The following MYO7A variants were observed in gnomAD, a reference collection of about 807,000 sequenced individuals.
MYO7A encodes unconventional myosin-VIIa.
A neutral mutation model predicts 263.8 loss-of-function variants in MYO7A; 210 were observed. That is an observed-to-expected ratio of 0.80 (90% CI 0.71 to 0.89). The LOEUF is 0.89. Ranked by LOEUF, MYO7A falls within the 40% of genes least tolerant of loss-of-function variation. The pLI is 0.00. For synonymous variants in MYO7A, 1,239 were observed against 1,197.3 expected (o/e 1.03, Z -0.72); for missense variants, 2,820 against 2,968.3 (o/e 0.95, Z 1.16).
chr11:77,133,405 T>C (rs59180506), intron 2 of MYO7A, among the ~76,000 whole-genome samples: 9,512 of 152,124 alleles, frequency 0.063, 457 homozygotes, highest in East Asian at 0.24. Flanking sequence ...CAGAGGGAGG[T>C]TTGAAGATAA....
intron 44 of MYO7A, among the ~76,000 whole-genome samples, chr11:77,210,593 A>G (rs1313210140): frequency 1.3e-5 from 2 of 152,178 alleles, no homozygotes; most frequent in Non-Finnish European, 2.9e-5. Flanking sequence ...GATGACCATA[A>G]GGCTCTAGGA....
intron 22 of MYO7A, among the ~76,000 whole-genome samples, chr11:77,181,057 G>A (rs4945155): frequency 0.6 from 90,575 of 152,136 alleles, 27,549 homozygotes; most frequent in African/African-American, 0.71. Flanking sequence ...GGCTCACATT[G>A]TATTCCTATT....
rs776208148 is a variant in MYO7A at position 77,197,465 on chromosome 11, C to T, written c.4324-16C>T. The T allele has an allele frequency of 6.5e-7, 1 of 1,548,222 alleles. No homozygotes were observed. On this transcript the variant is annotated splice_polypyrimidine_tract_variant and intron_variant, in intron 32 of 48. Coordinates refer to ENST00000409709, the MANE Select transcript of MYO7A (RefSeq NM_000260.4). Reference sequence around the variant, plus strand: ...CGTATGTTGTCTTCTGTCCCTCTGTCCCTCTCTCCTTCCAGGGGATTTATG... The same window carrying T: ...CGTATGTTGTCTTCTGTCCCTCTGTTCCTCTCTCCTTCCAGGGGATTTATG...
intron 46 of MYO7A, 174 bp from the exon 47 acceptor site, chr11:77,212,778 C>T: frequency 1.6e-6 from 1 of 636,458 alleles, no homozygotes; most frequent in Non-Finnish European, 2.8e-6. Context: ...GGATGTGGGG[C>T]AGCACTGAGG....
At chr11:77,182,810 C>T (rs1955362456) in intron 25 of MYO7A, among the ~76,000 whole-genome samples, 2 of 152,246 alleles carry the variant, frequency 1.3e-5, no homozygotes, top group African/African-American at 4.8e-5. Context: ...AACTGAGGGG[C>T]CTCATGGCAG....
chr11:77,171,375 T>C lies in MYO7A; in HGVS notation c.1798-1373T>C, dbSNP rs887141110. Among the ~76,000 whole-genome samples, 11 of 152,264 alleles carry C rather than the reference T, an allele frequency of 7.2e-5. 1 individual carries two copies. Among genetic ancestry groups the C allele is most frequent in the Admixed American group, 6.5e-4 (10 of 15,306 alleles). On this transcript the variant is annotated intron_variant, in intron 15 of 48. Transcript: ENST00000409709. ...CACCCGGTGCTGCTGCTGGATCAAA[T>C]TGAGGACAACGCCAGGGGCCACAGA...
chr11:77,159,588 T>C lies in MYO7A; in HGVS notation c.1080+65T>C, dbSNP rs4944145. 0.44 allele frequency: 658,343 copies of C among 1,509,400 alleles called. 145,690 individuals carry two copies. Among genetic ancestry groups the C allele is most frequent in the Admixed American group, 0.55 (32,440 of 59,078 alleles). 93.5% of individuals were successfully genotyped at this position (1,509,400 alleles called of 1,614,324 possible). ...CTCTGAAGGGTTGAGTTTAAGCTCA[T>C]TGGGGGCTGGGATGTAGGAACCACA... On this transcript the variant is annotated intron_variant, in intron 10 of 48. Coordinates refer to ENST00000409709, the MANE Select transcript of MYO7A (RefSeq NM_000260.4).
At position 77,160,183 on chromosome 11, in the gene MYO7A, G is replaced by C. The variant is rs1436844898; in HGVS notation, c.1101G>C (p.Met367Ile). 1 of 1,566,768 alleles carries C rather than the reference G, an allele frequency of 6.4e-7. No homozygotes were observed. The highest frequency in any genetic ancestry group is 8.6e-7 in the Non-Finnish European group (1 of 1,156,736). ...ACCAGGTGAACCCCCCAGACCTGAT[G>C]AGCTGCCTGACTAGCCGCACCCTCA... ...SLLEVNPPDL[M>I]SCLTSRTLIT... Residue 367 changes from methionine (M) to isoleucine (I), a missense_variant, in exon 11 of 49, where the codon ATG becomes ATC. Physicochemically the swap from Met to Ile is conservative, Grantham distance 10. Transcript: ENST00000409709.
rs1555051493 is a variant in MYO7A at position 77,142,755 on chromosome 11, T to G, written c.65T>G (p.Val22Gly). 6.2e-7 allele frequency: 1 copy of G among 1,612,196 alleles called. No individual in the cohort carries two copies. Among genetic ancestry groups the G allele is most frequent in the Non-Finnish European group, 8.5e-7 (1 of 1,179,386 alleles). ...MDLRLGQEFD[V>G]PIGAVVKLCD... ...CTGAGATTGGGGCAGGAGTTCGACG[T>G]GCCCATCGGGGCGGTGGTGAAGCTC... The change falls in exon 3 of 49, where the codon GTG becomes GGG. Residue 22 changes from valine to glycine, a missense_variant. Transcript: ENST00000409709.
chr11:77,184,276 T>C (rs1955495408), intron 26 of MYO7A, among the ~76,000 whole-genome samples: 1 of 152,084 alleles, frequency 6.6e-6, no homozygotes, highest in Admixed American at 6.5e-5. Context: ...CAGAGGATCA[T>C]GTCCCTGTCC....
At chr11:77,195,266 C>T (rs1956556434) in intron 32 of MYO7A, among the ~76,000 whole-genome samples, 1 of 152,146 alleles carries the variant, frequency 6.6e-6, no homozygotes, top group South Asian at 2.1e-4. Flanking sequence ...TCCCTGAGTC[C>T]TGAGTGCTCC....
At chr11:77,152,534 C>G (rs1017982665) in intron 4 of MYO7A, among the ~76,000 whole-genome samples, 2 of 152,178 alleles carry the variant, frequency 1.3e-5, no homozygotes, top group Non-Finnish European at 2.9e-5. Context: ...TCAGGCAGGC[C>G]TAGACCATAA....
At chr11:77,207,209 G>A (rs1565479591) in intron 41 of MYO7A, 80 bp from the exon 42 acceptor site, 2 of 954,680 alleles carry the variant, frequency 2.1e-6, no homozygotes, top group Non-Finnish European at 3.2e-6. Context: ...CTCAGTATAG[G>A]AGGCATAGCC....
intron 2 of MYO7A, among the ~76,000 whole-genome samples, chr11:77,140,509 G>T (rs1217239000): frequency 6.6e-6 from 1 of 152,224 alleles, no homozygotes; most frequent in African/African-American, 2.4e-5. Context: ...ACATGCTGTT[G>T]CCCACAAGCG....
chr11:77,178,152 C>T (rs1050672784), intron 19 of MYO7A, among the ~76,000 whole-genome samples: 20 of 22,626 alleles, frequency 8.8e-4, no homozygotes, highest in Non-Finnish European at 1.8e-3. Flanking sequence ...CACTCGTCCA[C>T]CCACCTACCT....
At chr11:77,176,014 G>A (rs1555079893) in intron 18 of MYO7A, among the ~76,000 whole-genome samples, 1 of 152,248 alleles carries the variant, frequency 6.6e-6, no homozygotes, top group African/African-American at 2.4e-5. Flanking sequence ...TGGAGACATG[G>A]CTGGGAGCTG....
At chr11:77,192,901 T>G (rs1956217397) in intron 31 of MYO7A, among the ~76,000 whole-genome samples, 3 of 47,090 alleles carry the variant, frequency 6.4e-5, no homozygotes, top group Non-Finnish European at 8.8e-5. Context: ...AGTGATGGTG[T>G]TGGTGATGGT....
At chr11:77,210,128 G>T (rs1957764331) in intron 44 of MYO7A, among the ~76,000 whole-genome samples, 1 of 152,154 alleles carries the variant, frequency 6.6e-6, no homozygotes. Context: ...ACAGCACTGT[G>T]GACAATTCCT....
rs1311241754 is a variant in MYO7A at position 77,201,586 on chromosome 11, C to T, written c.4991C>T (p.Thr1664Ile). ...ERTKQRGDFP[T>I]DSVYVMPTVT... Reference sequence around the variant, plus strand: ...ACCAAGCAGCGTGGGGACTTCCCCACCGACAGTGTGTACGTCATGCCCACT... The same window carrying T: ...ACCAAGCAGCGTGGGGACTTCCCCATCGACAGTGTGTACGTCATGCCCACT... The change falls in exon 36 of 49, where the codon ACC becomes ATC. Residue 1664 changes from threonine (T) to isoleucine (I), a missense_variant. By Grantham distance (89) the Thr-to-Ile change is moderately conservative. Transcript: ENST00000409709. The T allele has an allele frequency of 6.2e-7, 1 of 1,613,900 alleles. No individual in the cohort carries two copies. Among genetic ancestry groups the T allele is most frequent in the African/African-American group, 1.3e-5 (1 of 75,050 alleles).
Sources: gnomAD v4.1 joint callset for allele counts (sites outside exome capture counted in the v4.1 genomes callset) on GRCh38, gnomAD v4.1.1 for gene constraint, MANE v1.5 for transcripts, NCBI Gene and HGNC (gene_info 2026-07-23, HGNC 2026-07-21) for gene names.